ZNF736: variants seen among roughly 807,000 people sequenced by gnomAD.
ZNF736 encodes zinc finger protein 736, also known as KRAB-containing zinc-finger repressor protein.
A neutral mutation model predicts 11.7 loss-of-function variants in ZNF736; 6 were observed. That is an observed-to-expected ratio of 0.51 (90% CI 0.28 to 1.01). The LOEUF (loss-of-function observed/expected upper bound fraction) is 1.01, where lower values mean the gene tolerates loss of function less well. Among genes scored for constraint, ZNF736 ranks in the 50% least tolerant of loss-of-function variants. The pLI, the probability that ZNF736 is intolerant of heterozygous loss-of-function variation, is 0.09. For synonymous variants in ZNF736, 139 were observed against 164.7 expected (o/e 0.84, Z 1.19); for missense variants, 444 against 496.0 (o/e 0.90, Z 1.00).
intron 1 of ZNF736, among the ~76,000 whole-genome samples, chr7:64,326,773 T>A (rs1243987398): frequency 1.3e-5 from 2 of 152,168 alleles, no homozygotes; most frequent in South Asian, 2.1e-4. Flanking sequence ...AAGAACATTT[T>A]AAATTTTTTT....
Position 64,350,947 on chromosome 7 carries a change from C to G in ZNF736, c.*1800C>G, listed in dbSNP as rs1477168337. 1 of 152,236 alleles carries G rather than the reference C, an allele frequency of 6.6e-6. No homozygotes were observed. Among genetic ancestry groups the G allele is most frequent in the Non-Finnish European group, 1.5e-5 (1 of 68,184 alleles). 9.4% of individuals were successfully genotyped at this position (152,236 alleles called of 1,614,324 possible). ...AGTTTGTGGGATGAAGGTGCCATAG[C>G]TGGAGCAGAGTGCTAGTGGATATGG... On this transcript the variant is annotated 3_prime_UTR_variant, in exon 4 of 4. Transcript: ENST00000423484.
rs554785745 is a variant in ZNF736 at position 64,350,055 on chromosome 7, G to C, written c.*908G>C. 7.9e-5 allele frequency: 10 copies of C among 126,854 alleles called. No individual in the cohort carries two copies. The highest frequency in any genetic ancestry group is 3.7e-4 in the African/African-American group (10 of 26,902). The allele number at this position is 126,854 out of a possible 1,614,324, so 7.9% of individuals were successfully genotyped here. ...TGTGTCTTGAGGATGACCTTCTCCT[G>C]GGGTATCTTACTGGGGTTCTCCACA... On this transcript the variant is annotated 3_prime_UTR_variant, in exon 4 of 4. Coordinates refer to ENST00000423484, the MANE Select transcript of ZNF736 (RefSeq NM_001170905.3).
chr7:64,334,540 G>A (rs1380893501), intron 1 of ZNF736, among the ~76,000 whole-genome samples: 4 of 152,152 alleles, frequency 2.6e-5, no homozygotes, highest in South Asian at 2.1e-4. Flanking sequence ...ATAAAAAAAA[G>A]TTCATCATCA....
At chr7:64,337,591 T>C (rs1352489801) in intron 3 of ZNF736, among the ~76,000 whole-genome samples, 4 of 152,176 alleles carry the variant, frequency 2.6e-5, no homozygotes, top group African/African-American at 7.2e-5. Context: ...TCAAATGTTA[T>C]TCTTTTCATA....
chr7:64,339,414 T>C (rs1789304695), intron 3 of ZNF736, among the ~76,000 whole-genome samples: 1 of 152,210 alleles, frequency 6.6e-6, no homozygotes, highest in South Asian at 2.1e-4. Context: ...ATTAAGAATT[T>C]ATGTCATTCA....
At chr7:64,323,672 T>C (rs1427695955) in intron 1 of ZNF736, among the ~76,000 whole-genome samples, 1 of 152,050 alleles carries the variant, frequency 6.6e-6, no homozygotes, top group Non-Finnish European at 1.5e-5. Flanking sequence ...CTCATACTAA[T>C]AAGTGGAAGC....
intron 3 of ZNF736, among the ~76,000 whole-genome samples, chr7:64,338,641 G>A (rs967291988): frequency 5.9e-5 from 9 of 151,802 alleles, no homozygotes; most frequent in African/African-American, 1.9e-4. Context: ...CATCATCTAG[G>A]TCCATCCATG....
chr7:64,333,997 A>G (rs187757039), intron 1 of ZNF736, among the ~76,000 whole-genome samples: 37 of 152,310 alleles, frequency 2.4e-4, no homozygotes, highest in Admixed American at 2.4e-3. Flanking sequence ...CCACACATAT[A>G]CAACCATCTT....
chr7:64,353,896 A>G lies in ZNF736; in HGVS notation c.*4749A>G, dbSNP rs1789522370. On this transcript the variant is annotated 3_prime_UTR_variant, in exon 4 of 4. Coordinates refer to ENST00000423484, the MANE Select transcript of ZNF736 (RefSeq NM_001170905.3). ...ACAATGTGTGAACTTAATTTGTTTT[A>G]ATAAACCAAAATTATTGTTATTGTG... 6.6e-6 allele frequency: 1 copy of G among 152,216 alleles called. No individual in the cohort carries two copies. The highest frequency in any genetic ancestry group is 6.5e-5 in the Admixed American group (1 of 15,282). 9.4% of individuals were successfully genotyped at this position (152,216 alleles called of 1,614,324 possible).
At chr7:64,332,576 T>A (rs1789185571) in intron 1 of ZNF736, among the ~76,000 whole-genome samples, 2 of 152,072 alleles carry the variant, frequency 1.3e-5, no homozygotes, top group Admixed American at 6.6e-5. Context: ...AAAACAGGTT[T>A]CAAGAGCAGA....
intron 3 of ZNF736, among the ~76,000 whole-genome samples, chr7:64,339,594 T>TA (rs1455850893): frequency 4.6e-5 from 7 of 152,212 alleles, no homozygotes; most frequent in Non-Finnish European, 1.0e-4. Context: ...GAGTTGATCT[T>TA]ACAAGGATGG....
intron 1 of ZNF736, among the ~76,000 whole-genome samples, chr7:64,323,542 G>A (rs1789031191): frequency 6.6e-6 from 1 of 152,150 alleles, no homozygotes; most frequent in Admixed American, 6.6e-5. Flanking sequence ...ATATACCATG[G>A]AATACTATGC....
At chr7:64,332,654 C>T (rs527759510) in intron 1 of ZNF736, among the ~76,000 whole-genome samples, 1 of 152,106 alleles carries the variant, frequency 6.6e-6, no homozygotes, top group African/African-American at 2.4e-5. Context: ...GAGGGTACTG[C>T]AGGAGACCAG....
intron 1 of ZNF736, among the ~76,000 whole-genome samples, chr7:64,331,311 A>G (rs1789162181): frequency 1.3e-5 from 2 of 152,104 alleles, no homozygotes; most frequent in South Asian, 4.1e-4. Context: ...ATTCTGCCCC[A>G]TGCTGCTTTC....
intron 3 of ZNF736, among the ~76,000 whole-genome samples, chr7:64,344,427 T>C (rs1789381628): frequency 6.6e-6 from 1 of 152,258 alleles, no homozygotes; most frequent in Non-Finnish European, 1.5e-5. Context: ...AGAAATATGC[T>C]ATACACATGA....
intron 1 of ZNF736, among the ~76,000 whole-genome samples, chr7:64,331,803 G>C (rs745837435): frequency 6.6e-6 from 1 of 152,178 alleles, no homozygotes; most frequent in Admixed American, 6.5e-5. Context: ...AGGCAGGTCA[G>C]TGTGGCCCAT....
intron 1 of ZNF736, among the ~76,000 whole-genome samples, chr7:64,330,589 G>A (rs1016865654): frequency 1.6e-4 from 24 of 151,972 alleles, no homozygotes; most frequent in Admixed American, 2.6e-4. Context: ...ATCAAGCTTC[G>A]AGACAAAGTC....
Position 64,353,525 on chromosome 7 carries a change from C to G in ZNF736, c.*4378C>G, listed in dbSNP as rs754198004. On this transcript the variant is annotated 3_prime_UTR_variant, in exon 4 of 4. Transcript: ENST00000423484. ...AAATTTCAATATAATTTAACTCTTACATTTGATGCTGTGTCTTCATTTCTA... is the reference window on the plus strand; with the variant it reads ...AAATTTCAATATAATTTAACTCTTAGATTTGATGCTGTGTCTTCATTTCTA... The G allele has an allele frequency of 3.3e-5, 5 of 152,194 alleles. No individual in the cohort carries two copies. Among genetic ancestry groups the G allele is most frequent in the Non-Finnish European group, 4.4e-5 (3 of 68,028 alleles). The allele number at this position is 152,194 out of a possible 1,614,324, so 9.4% of individuals were successfully genotyped here.
chr7:64,336,695 C>T (rs1352561187), intron 2 of ZNF736, among the ~76,000 whole-genome samples, 192 bp from the exon 3 acceptor site: 1 of 152,158 alleles, frequency 6.6e-6, no homozygotes, highest in Non-Finnish European at 1.5e-5. Flanking sequence ...TTCAGTATTA[C>T]TGGGTAATAG....
Sources: gnomAD v4.1 joint callset for allele counts (sites outside exome capture counted in the v4.1 genomes callset) on GRCh38, gnomAD v4.1.1 for gene constraint, MANE v1.5 for transcripts, NCBI Gene and HGNC (gene_info 2026-07-23, HGNC 2026-07-21) for gene names.